The following NBPF8 variants were observed in gnomAD, a reference collection of about 807,000 sequenced individuals.
NBPF8 encodes NBPF member 8.
upstream of NBPF8, among the ~76,000 whole-genome samples, chr1:120,415,312 CG>C (rs1660399811): frequency 6.7e-6 from 1 of 149,390 alleles, no homozygotes; most frequent in South Asian, 2.2e-4. Flanking sequence ...GCGGTGAGTC[CG>C]GGACCCGCGG....
At chr1:120,469,076 C>A (rs1661835949), downstream of NBPF8, among the ~76,000 whole-genome samples, 1 of 145,950 alleles carries the variant, frequency 6.9e-6, no homozygotes, top group Admixed American at 7.0e-5. Context: ...AAATGCAGAA[C>A]TTCAATCGTT....
chr1:120,427,343 AT>A (rs1461162991), intron 2 of NBPF8, among the ~76,000 whole-genome samples: 1 of 151,138 alleles, frequency 6.6e-6, no homozygotes, highest in Non-Finnish European at 1.5e-5. Flanking sequence ...TATGCCAGAC[AT>A]TTTTTCCCAA....
chr1:120,427,931 C>G (rs1660766161), intron 3 of NBPF8, among the ~76,000 whole-genome samples, 84 bp downstream of exon 3: 1 of 151,942 alleles, frequency 6.6e-6, no homozygotes, highest in South Asian at 2.1e-4. Context: ...ATTTTTCTCT[C>G]TAATCTAGCC....
At chr1:120,449,939 G>T (rs1385855248) in intron 11 of NBPF8, among the ~76,000 whole-genome samples, 1 of 152,124 alleles carries the variant, frequency 6.6e-6, no homozygotes, top group Non-Finnish European at 1.5e-5. Context: ...TCAAGAGCAG[G>T]GAGTAGGGGC....
intron 20 of NBPF8, among the ~76,000 whole-genome samples, chr1:120,462,573 C>T (rs1444516612): frequency 7.4e-4 from 80 of 108,242 alleles, no homozygotes; most frequent in Middle Eastern, 4.2e-3. Flanking sequence ...GCTGAGCTCA[C>T]TTTCTCCTCT....
chr1:120,468,395 GT>G (rs1414187194), downstream of NBPF8, among the ~76,000 whole-genome samples: 1 of 148,396 alleles, frequency 6.7e-6, no homozygotes, highest in Admixed American at 6.8e-5. Context: ...AGTTTAGCAT[GT>G]TTAATAATCT....
At chr1:120,427,917 C>T (rs1323885922) in intron 3 of NBPF8, among the ~76,000 whole-genome samples, 70 bp downstream of exon 3, 1 of 151,542 alleles carries the variant, frequency 6.6e-6, no homozygotes, top group Non-Finnish European at 1.5e-5. Context: ...GAGATGGGTC[C>T]TTTATTTTTC....
chr1:120,420,330 G>A (rs1411796456), intron 1 of NBPF8, among the ~76,000 whole-genome samples: 3 of 150,214 alleles, frequency 2.0e-5, no homozygotes, highest in Admixed American at 6.6e-5. Flanking sequence ...AGGTGGAAGT[G>A]ATTTTACTTC....
intron 11 of NBPF8, among the ~76,000 whole-genome samples, chr1:120,450,088 G>A (rs587620955): frequency 5.3e-5 from 8 of 152,144 alleles, no homozygotes; most frequent in East Asian, 1.9e-4. Context: ...GTAGATGGGC[G>A]TGGTGGCAGG....
intron 12 of NBPF8, 134 bp from the exon 11 acceptor site, chr1:120,451,983 A>C (rs1476367950): frequency 1.7e-5 from 17 of 1,008,366 alleles, no homozygotes; most frequent in Non-Finnish European, 2.7e-5. Flanking sequence ...GGCCACAGAC[A>C]TTCCTTTCAA....
chr1:120,462,552 C>T (rs1440178368), intron 20 of NBPF8, among the ~76,000 whole-genome samples: 1 of 110,488 alleles, frequency 9.1e-6, no homozygotes, highest in African/African-American at 3.5e-5. Flanking sequence ...AGTGTGTCAC[C>T]CGGCCAATTC....
upstream of NBPF8, among the ~76,000 whole-genome samples, chr1:120,415,683 G>T (rs1660416069): frequency 1.3e-5 from 2 of 152,172 alleles, no homozygotes; most frequent in African/African-American, 2.4e-5. Flanking sequence ...GCAAAGTTGG[G>T]GTCTTTATTG....
intron 13 of NBPF8, among the ~76,000 whole-genome samples, chr1:120,452,776 T>G (rs2101679959): frequency 6.6e-6 from 1 of 152,264 alleles, no homozygotes; most frequent in South Asian, 2.1e-4. Context: ...GGTCGAAGCA[T>G]TCAAATGTGG....
intron 3 of NBPF8, among the ~76,000 whole-genome samples, chr1:120,430,736 G>A (rs1184887495): frequency 8.6e-6 from 1 of 116,068 alleles, no homozygotes; most frequent in East Asian, 2.6e-4. Flanking sequence ...CTGGGTAACA[G>A]AGCAAGACTC....
upstream of NBPF8, among the ~76,000 whole-genome samples, chr1:120,419,727 CA>C (rs1330294747): frequency 8.1e-6 from 1 of 122,988 alleles, no homozygotes; most frequent in African/African-American, 3.2e-5. Flanking sequence ...TCTAGTTCCC[CA>C]CCACCTTTCA....
chr1:120,454,483 G>T (rs1326449022), intron 15 of NBPF8, among the ~76,000 whole-genome samples: 1 of 152,080 alleles, frequency 6.6e-6, no homozygotes, highest in Non-Finnish European at 1.5e-5. Flanking sequence ...TGGCAGCCTT[G>T]CCTTTGTATT....
At chr1:120,459,212 T>C (rs1661503342) in intron 16 of NBPF8, among the ~76,000 whole-genome samples, 155 bp from the exon 15 acceptor site, 1 of 133,452 alleles carries the variant, frequency 7.5e-6, no homozygotes, top group African/African-American at 2.7e-5. Flanking sequence ...CTCCACCCTG[T>C]ATTTAGAAGG....
chr1:120,465,943 C>T, intron 24 of NBPF8, 35 bp from the exon 23 acceptor site: 3 of 1,611,692 alleles, frequency 1.9e-6, no homozygotes, highest in Non-Finnish European at 2.5e-6. Flanking sequence ...TCTGATTTTC[C>T]CTGGCTGCTT....
At chr1:120,452,289 G>A in exon 13 of NBPF8, 4 of 1,414,780 alleles carry the variant, frequency 2.8e-6, no homozygotes, top group Non-Finnish European at 4.0e-6. Flanking sequence ...GCTGGCTGAG[G>A]GGTGTAGACT....
Sources: gnomAD v4.1 joint callset for allele counts (sites outside exome capture counted in the v4.1 genomes callset) on GRCh38, gnomAD v4.1.1 for gene constraint, MANE v1.5 for transcripts, NCBI Gene and HGNC (gene_info 2026-07-23, HGNC 2026-07-21) for gene names.